Variants in TTC7B observed in about 807,000 individuals in gnomAD.
TTC7B encodes tetratricopeptide repeat protein 7B.
TTC7B carries 28 observed loss-of-function variants against 106.8 expected under a neutral mutation model. The ratio of observed to expected loss-of-function variants is 0.26; its 90% confidence interval spans 0.19 to 0.36. The LOEUF is 0.36. Among genes scored for constraint, TTC7B ranks in the 10% least tolerant of loss-of-function variants. The probability of loss-of-function intolerance (pLI) is 1.00; values close to 1 mark genes in which losing one functional copy is unlikely to be tolerated. For missense variants in TTC7B, 862 were observed against 1,076.4 expected, an observed-to-expected ratio of 0.80 and a Z score of 2.79; for synonymous variants, 405 against 430.6, an observed-to-expected ratio of 0.94 and a Z score of 0.74.
At position 90,536,602 on chromosome 14, in the gene TTC7B, C is replaced by T. The variant is rs78388932; in HGVS notation, c.*4766G>A. ...CATCCCTGGCGTCTCCCCTCCCTCA[C>T]ACCCAGCTCCATGTGTGAGCAACCC... is the stretch of plus-strand genomic sequence containing the variant. On this transcript the variant is annotated 3_prime_UTR_variant, in exon 20 of 20. Coordinates refer to ENST00000328459, the MANE Select transcript of TTC7B (RefSeq NM_001010854.2). 10,226 of 152,644 alleles carry T rather than the reference C, an allele frequency of 0.067. 615 individuals are homozygous for T. The highest frequency in any genetic ancestry group is 0.16 in the East Asian group (824 of 5,168). The allele number at this position is 152,644 out of a possible 1,614,324, so 9.5% of individuals were successfully genotyped here. A position where few individuals can be genotyped will look rare whatever the true frequency, so the allele number is the denominator to read the frequency against.
At chr14:90,716,520 C>T (rs1337628264) in intron 5 of TTC7B, among the ~76,000 whole-genome samples, 4 of 152,182 alleles carry the variant, frequency 2.6e-5, no homozygotes, top group Non-Finnish European at 5.9e-5. Context: ...TTCTGTTCAT[C>T]TTATATCCCC....
At chr14:90,544,378 C>T (rs1215403258) in intron 19 of TTC7B, among the ~76,000 whole-genome samples, 3 of 152,170 alleles carry the variant, frequency 2.0e-5, no homozygotes, top group South Asian at 2.1e-4. Flanking sequence ...GCCAAACAGC[C>T]GAGGGTAGCT....
intron 1 of TTC7B, among the ~76,000 whole-genome samples, chr14:90,794,467 C>G (rs1162714346): frequency 5.9e-5 from 9 of 151,964 alleles, no homozygotes; most frequent in African/African-American, 1.9e-4. Context: ...ACCTCGTGAT[C>G]CACCTGTCTC....
intron 5 of TTC7B, among the ~76,000 whole-genome samples, chr14:90,718,367 T>G (rs984078967): frequency 3.9e-5 from 6 of 152,202 alleles, no homozygotes; most frequent in African/African-American, 7.2e-5. Flanking sequence ...CTTGAGGCAC[T>G]TAATAAAGCC....
At chr14:90,641,936 T>TGTGC (rs1442429205) in intron 15 of TTC7B, among the ~76,000 whole-genome samples, 4,132 of 125,956 alleles carry the variant, frequency 0.033, 188 homozygotes, top group African/African-American at 0.11. Context: ...TGTGTGTGCG[T>TGTGC]GTGTGTGTGT....
At chr14:90,651,546 T>G (rs1789563155) in intron 13 of TTC7B, among the ~76,000 whole-genome samples, 1 of 152,226 alleles carries the variant, frequency 6.6e-6, no homozygotes, top group Non-Finnish European at 1.5e-5. Flanking sequence ...TAATGACCAC[T>G]TTCTTAAGCA....
chr14:90,635,495 T>C (rs374252772), intron 15 of TTC7B, among the ~76,000 whole-genome samples: 3 of 152,072 alleles, frequency 2.0e-5, no homozygotes, highest in South Asian at 2.1e-4. Flanking sequence ...GCGCAGTGGT[T>C]CACGCCTGTA....
chr14:90,789,724 G>A (rs1037120772), intron 1 of TTC7B, among the ~76,000 whole-genome samples: 22 of 151,722 alleles, frequency 1.5e-4, no homozygotes, highest in Non-Finnish European at 2.7e-4. Context: ...GTGAAACCCC[G>A]TCTCTACTAA....
At chr14:90,775,426 T>A (rs1029831396) in intron 3 of TTC7B, among the ~76,000 whole-genome samples, 2 of 152,128 alleles carry the variant, frequency 1.3e-5, no homozygotes, top group Non-Finnish European at 2.9e-5. Flanking sequence ...CTTTAGCTAG[T>A]AAGTGACAAA....
intron 14 of TTC7B, among the ~76,000 whole-genome samples, chr14:90,646,096 C>T (rs1435455857): frequency 6.6e-6 from 1 of 152,194 alleles, no homozygotes; most frequent in Non-Finnish European, 1.5e-5. Context: ...ATCCTGGTTT[C>T]CTTAGTCCCT....
At chr14:90,653,037 G>C in intron 12 of TTC7B, 139 bp from the exon 13 acceptor site, 2 of 854,652 alleles carry the variant, frequency 2.3e-6, no homozygotes, top group Non-Finnish European at 3.9e-6. Context: ...TCCTGCACCA[G>C]GCCCTGGAGA....
intron 8 of TTC7B, among the ~76,000 whole-genome samples, 155 bp downstream of exon 8, chr14:90,680,317 C>CT (rs1566833164): frequency 6.6e-6 from 1 of 152,186 alleles, no homozygotes; most frequent in African/African-American, 2.4e-5. Flanking sequence ...AAACAACCCT[C>CT]TTTTTAAACC....
At chr14:90,755,866 T>C (rs907273621) in intron 3 of TTC7B, among the ~76,000 whole-genome samples, 1 of 152,252 alleles carries the variant, frequency 6.6e-6, no homozygotes, top group African/African-American at 2.4e-5. Flanking sequence ...CTCGGCCCAG[T>C]GCCTGGCATG....
At chr14:90,602,588 C>T (rs1892470170) in intron 17 of TTC7B, among the ~76,000 whole-genome samples, 1 of 151,980 alleles carries the variant, frequency 6.6e-6, no homozygotes, top group Non-Finnish European at 1.5e-5. Flanking sequence ...GGTGTCCCAG[C>T]TGCTCAAGAG....
intron 2 of TTC7B, among the ~76,000 whole-genome samples, chr14:90,783,535 G>A (rs573341193): frequency 6.6e-6 from 1 of 152,322 alleles, no homozygotes; most frequent in East Asian, 1.9e-4. Context: ...CCTGGGTTAA[G>A]TAGGCCTGCA....
At chr14:90,764,160 A>G (rs1218073907) in intron 3 of TTC7B, among the ~76,000 whole-genome samples, 4 of 152,134 alleles carry the variant, frequency 2.6e-5, no homozygotes, top group Admixed American at 2.0e-4. Flanking sequence ...ACACTTACAT[A>G]TATGCTCAAC....
chr14:90,696,078 G>A (rs1227733592), intron 5 of TTC7B, among the ~76,000 whole-genome samples: 1 of 152,070 alleles, frequency 6.6e-6, no homozygotes, highest in Admixed American at 6.5e-5. Flanking sequence ...ATCAAACCCA[G>A]TAAATTCATC....
chr14:90,569,477 G>T (rs1890936286), intron 19 of TTC7B, among the ~76,000 whole-genome samples: 1 of 152,208 alleles, frequency 6.6e-6, no homozygotes, highest in African/African-American at 2.4e-5. Flanking sequence ...TGAGGGAGGA[G>T]GGGCCTGATG....
At position 90,793,613 on chromosome 14, in the gene TTC7B, CT is replaced by C. The variant is rs142431278; in HGVS notation, c.122-7286del. Among the ~76,000 whole-genome samples the C allele has an allele frequency of 4.5e-4, 61 of 135,658 alleles. 1 individual carries two copies. Among genetic ancestry groups the C allele is most frequent in the South Asian group, 2.5e-3 (11 of 4,394 alleles). The allele number at this position is 135,658 out of a possible 152,430, so 89.0% of individuals were successfully genotyped here. On this transcript the variant is annotated intron_variant, in intron 1 of 19. Transcript: ENST00000328459. ...TGTTTGTTTGTTTTTTTCTTTTTTT[CT>C]TTTTTTTTTTTGAGATGGAGTTTTG...
Sources: gnomAD v4.1 joint callset for allele counts (sites outside exome capture counted in the v4.1 genomes callset) on GRCh38, gnomAD v4.1.1 for gene constraint, MANE v1.5 for transcripts, NCBI Gene and HGNC (gene_info 2026-07-23, HGNC 2026-07-21) for gene names.